Variants in VPS26C observed in about 807,000 individuals in gnomAD.
VPS26C encodes vacuolar protein sorting-associated protein 26C.
Under a neutral mutation model 30.6 loss-of-function variants are expected in VPS26C, and 19 were observed. That is an observed-to-expected ratio of 0.62 (90% CI 0.43 to 0.91). The LOEUF (loss-of-function observed/expected upper bound fraction) is 0.91. VPS26C is among the 40% of genes least tolerant of loss of function. The probability of loss-of-function intolerance (pLI) is 0.00; values close to 1 mark genes in which losing one functional copy is unlikely to be tolerated. For synonymous variants in VPS26C, 132 were observed against 151.5 expected (o/e 0.87, Z 0.95); for missense variants, 318 against 385.1 (o/e 0.83, Z 1.46).
intron 1 of VPS26C, among the ~76,000 whole-genome samples, chr21:37,258,303 C>CACACA (rs2086266680): frequency 6.6e-6 from 1 of 152,226 alleles, no homozygotes; most frequent in African/African-American, 2.4e-5. Flanking sequence ...ACAGAGACTG[C>CACACA]GCACACAAAG....
intron 1 of VPS26C, among the ~76,000 whole-genome samples, chr21:37,241,326 T>C (rs2086085116): frequency 2.0e-5 from 3 of 152,204 alleles, no homozygotes; most frequent in Admixed American, 1.3e-4. Context: ...ACAGATCATC[T>C]GTGCATTTAT....
chr21:37,229,490 G>A (rs1446578233), intron 5 of VPS26C: 1 of 152,064 alleles, frequency 6.6e-6, no homozygotes, highest in Non-Finnish European at 1.5e-5. Context: ...GCATACTACT[G>A]TCCAACAGAA....
chr21:37,228,063 C>T (rs1025215660), intron 6 of VPS26C, among the ~76,000 whole-genome samples, 160 bp downstream of exon 6: 12 of 152,252 alleles, frequency 7.9e-5, no homozygotes, highest in Non-Finnish European at 1.6e-4. Context: ...TCTCAGCTCA[C>T]TGCAGCCTCA....
chr21:37,234,483 T>C (rs116018440), intron 3 of VPS26C, among the ~76,000 whole-genome samples: 1,802 of 152,318 alleles, frequency 0.012, 34 homozygotes, highest in African/African-American at 0.041. Context: ...GAACGGAGAC[T>C]GTTGCTTCAA....
chr21:37,255,835 T>C (rs1275564573), intron 1 of VPS26C, among the ~76,000 whole-genome samples: 2 of 147,574 alleles, frequency 1.4e-5, no homozygotes, highest in Non-Finnish European at 3.0e-5. Context: ...ATTTAAAGCC[T>C]CATTCTATGC....
chr21:37,267,476 CCTTCCGG>C (rs1288945943), upstream of VPS26C: 7 of 604,978 alleles, frequency 1.2e-5, no homozygotes, highest in African/African-American at 5.7e-5. Flanking sequence ...ACGCCTTCCT[CCTTCCGG>C]CACAAGAGCC....
chr21:37,242,895 T>G (rs758838979), intron 1 of VPS26C, among the ~76,000 whole-genome samples: 3 of 152,194 alleles, frequency 2.0e-5, no homozygotes, highest in Non-Finnish European at 4.4e-5. Flanking sequence ...AGTAAATATT[T>G]TATGACTCGA....
chr21:37,255,851 A>ATTTTTTTTTTTTTTTTTTTTTTTTTTT lies in VPS26C; in HGVS notation c.57+11386_57+11387insAAAAAAAAAAAAAAAAAAAAAAAAAAA, dbSNP rs375877407. On this transcript the variant is annotated intron_variant, in intron 1 of 7. Coordinates refer to ENST00000309117, the MANE Select transcript of VPS26C (RefSeq NM_006052.2). ...TTTAAAGCCTCATTCTATGCACTGC[A>ATTTTTTTTTTTTTTTTTTTTTTTTTTT]TTTTTTTTTTTTTTTTTTTTTAGAT... Among the ~76,000 whole-genome samples the ATTTTTTTTTTTTTTTTTTTTTTTTTTT allele has an allele frequency of 7.4e-5, 8 of 108,462 alleles. 1 individual carries two copies. Among genetic ancestry groups the ATTTTTTTTTTTTTTTTTTTTTTTTTTT allele is most frequent in the Middle Eastern group, 5.3e-3 (1 of 188 alleles). 71.2% of individuals were successfully genotyped at this position (108,462 alleles called of 152,430 possible).
chr21:37,267,758 A>G (rs190480421), upstream of VPS26C: 119 of 197,948 alleles, frequency 6.0e-4, no homozygotes, highest in Non-Finnish European at 9.8e-4. Context: ...CGGTCGCCCA[A>G]TGGAGTTGTC....
At chr21:37,230,131 T>C (rs987838551) in intron 5 of VPS26C, among the ~76,000 whole-genome samples, 3 of 152,210 alleles carry the variant, frequency 2.0e-5, no homozygotes, top group African/African-American at 7.2e-5. Flanking sequence ...CCTCCCAAAG[T>C]GGTGGGATTC....
intron 1 of VPS26C, among the ~76,000 whole-genome samples, chr21:37,251,470 TCTA>T (rs1207759343): frequency 6.6e-6 from 1 of 152,200 alleles, no homozygotes; most frequent in Non-Finnish European, 1.5e-5. Context: ...TCCCATACAT[TCTA>T]CTTTTTTTTA....
intron 5 of VPS26C, among the ~76,000 whole-genome samples, chr21:37,231,258 T>C (rs917889082): frequency 6.6e-6 from 1 of 152,000 alleles, no homozygotes; most frequent in Non-Finnish European, 1.5e-5. Context: ...AGAAACAGAA[T>C]CAATACAGGA....
chr21:37,227,653 C>G lies in VPS26C; in HGVS notation c.811+1G>C. ...AGGGCTGGGAGGCGAGTGCCACTTA[C>G]CCACTTTGAAGTTGGTGGTCTCCAG... On this transcript the variant is annotated splice_donor_variant, in intron 7 of 7. Transcript: ENST00000309117. LOFTEE classifies it high-confidence loss of function. The G allele has an allele frequency of 6.2e-7, 1 of 1,613,698 alleles. No homozygotes were observed. The highest frequency in any genetic ancestry group is 1.1e-5 in the South Asian group (1 of 91,080).
At chr21:37,232,498 T>G in intron 4 of VPS26C, 47 bp from the exon 5 acceptor site, 1 of 1,490,994 alleles carries the variant, frequency 6.7e-7, no homozygotes, top group Non-Finnish European at 9.4e-7. Context: ...GGCCAAGAGT[T>G]CTGCAGGTCA....
chr21:37,261,484 G>A (rs933369393), intron 1 of VPS26C: 20 of 151,974 alleles, frequency 1.3e-4, no homozygotes, highest in African/African-American at 3.6e-4. Flanking sequence ...TTGACATTCC[G>A]TTATCCCATC....
chr21:37,258,117 C>T (rs990664923), intron 1 of VPS26C, among the ~76,000 whole-genome samples: 2 of 152,246 alleles, frequency 1.3e-5, no homozygotes, highest in African/African-American at 4.8e-5. Flanking sequence ...GTGAGATCTG[C>T]CTGCAGCCAG....
At chr21:37,260,503 G>C (rs770403049) in intron 1 of VPS26C, among the ~76,000 whole-genome samples, 1 of 152,106 alleles carries the variant, frequency 6.6e-6, no homozygotes, top group Non-Finnish European at 1.5e-5. Flanking sequence ...GCAACATAGC[G>C]TGATTTCATC....
intron 2 of VPS26C, 143 bp downstream of exon 2, chr21:37,240,352 TG>T: frequency 1.2e-6 from 1 of 844,840 alleles, no homozygotes; most frequent in Non-Finnish European, 1.8e-6. Flanking sequence ...CTCAAACTCC[TG>T]GGCTCAAGCG....
chr21:37,255,850 C>CTTTTTT (rs2086236577), intron 1 of VPS26C, among the ~76,000 whole-genome samples: 2 of 63,490 alleles, frequency 3.2e-5, no homozygotes, highest in African/African-American at 1.8e-4. Flanking sequence ...CTATGCACTG[C>CTTTTTT]ATTTTTTTTT....
Sources: allele counts gnomAD v4.1 joint callset (sites outside exome capture counted in the v4.1 genomes callset), GRCh38; gene constraint gnomAD v4.1.1; transcripts MANE v1.5; gene names NCBI Gene and HGNC (gene_info 2026-07-23, HGNC 2026-07-21).